The following ASIC2 variants were observed in gnomAD, a reference collection of about 807,000 sequenced individuals.
ASIC2 encodes acid sensing ion channel subunit 2.
ASIC2 carries 25 observed loss-of-function variants against 57.3 expected under a neutral mutation model. The observed-to-expected ratio is 0.44, with a 90% confidence interval of 0.32 to 0.61. The LOEUF is 0.61. ASIC2 is among the 20% of genes least tolerant of loss of function. The pLI, the probability that ASIC2 is intolerant of heterozygous loss-of-function variation, is 0.06. For synonymous variants in ASIC2, 319 were observed against 307.5 expected (o/e 1.04, Z -0.39); for missense variants, 641 against 738.1 (o/e 0.87, Z 1.52).
At chr17:33,192,419 CAAA>C (rs1906461657) in intron 1 of ASIC2, among the ~76,000 whole-genome samples, 1 of 150,668 alleles carries the variant, frequency 6.6e-6, no homozygotes, top group Non-Finnish European at 1.5e-5. Context: ...CAAAACAAAA[CAAA>C]ACAAAACAAA....
At chr17:33,197,720 GA>G (rs1906690824) in intron 1 of ASIC2, among the ~76,000 whole-genome samples, 1 of 152,216 alleles carries the variant, frequency 6.6e-6, no homozygotes, top group Non-Finnish European at 1.5e-5. Flanking sequence ...AGCTAAAATA[GA>G]AGGACAATTC....
In ASIC2 at chr17:33,754,652, T is replaced by C. The variant is rs1474933617; in HGVS notation, c.555+401326A>G. Among the ~76,000 whole-genome samples, 8 of 152,274 alleles carry C rather than the reference T, an allele frequency of 5.3e-5. No individual in the cohort carries two copies. The East Asian group carries it at 5.8e-4, about 11-fold the overall frequency. On this transcript the variant is annotated intron_variant, in intron 1 of 9. Transcript: ENST00000359872. ...TAAATGTGTTGATGGGTTTAGTATA[T>C]GTGTTAAAGAACAGTTCCCTATAGG...
chr17:33,242,146 G>C (rs1329981379), intron 1 of ASIC2, among the ~76,000 whole-genome samples: 1 of 151,866 alleles, frequency 6.6e-6, no homozygotes, highest in East Asian at 1.9e-4. Context: ...GTGAAACCCC[G>C]TCTCTACTAA....
intron 1 of ASIC2, among the ~76,000 whole-genome samples, chr17:33,369,206 G>C (rs1413178176): frequency 6.6e-6 from 1 of 152,122 alleles, no homozygotes; most frequent in Non-Finnish European, 1.5e-5. Flanking sequence ...ACCTGCCATA[G>C]ACCCCACTTC....
In ASIC2 at chr17:33,682,060, C is replaced by CTTTTTTTTTTTT. The variant is rs58085265; in HGVS notation, c.555+473906_555+473917dup. Among the ~76,000 whole-genome samples the CTTTTTTTTTTTT allele has an allele frequency of 2.4e-5, 3 of 122,806 alleles. 1 individual carries two copies. Among genetic ancestry groups the CTTTTTTTTTTTT allele is most frequent in the African/African-American group, 3.3e-5 (1 of 29,856 alleles). The allele number at this position is 122,806 out of a possible 152,430, so 80.6% of individuals were successfully genotyped here. ...CCACACAGGATGGCATCAGTGACAT[C>CTTTTTTTTTTTT]TTTTTTTTTTTTTTTTTGAGACAGA... is the stretch of plus-strand genomic sequence containing the variant. On this transcript the variant is annotated intron_variant, in intron 1 of 9. Transcript: ENST00000359872.
chr17:33,173,516 C>T (rs558816903), intron 1 of ASIC2, among the ~76,000 whole-genome samples: 34 of 152,286 alleles, frequency 2.2e-4, no homozygotes, highest in Non-Finnish European at 4.1e-4. Flanking sequence ...GTCCTGGCCC[C>T]CTTCCTGCCT....
rs773615120 is a variant in ASIC2, at chr17:33,291,597, C to G, written c.519G>C (p.Glu173Asp). 28 of 1,608,198 alleles carry G rather than the reference C, an allele frequency of 1.7e-5. No homozygotes were observed. In the South Asian group the frequency reaches 2.8e-4, roughly 16 times the overall value. ...GGCGCGGCTCGTCGCCCCGCAGCAG[C>G]TCGCTGACAAGCGGGCGCGCGGTGC... is the stretch of plus-strand genomic sequence containing the variant. ...PNRTARPLVS[E>D]LLRGDEPRRQ... The change falls in exon 1 of 10, where the codon GAG becomes GAC. Residue 173 changes from glutamate to aspartate, a missense_variant. By Grantham distance (45) the Glu-to-Asp change is conservative. Around this residue, in one of 3 missense-constraint regions of ASIC2, gnomAD observed 382 missense variants for 398.0 expected, o/e 0.96. Coordinates refer to ENST00000225823, the MANE Select transcript of ASIC2 (RefSeq NM_183377.2).
chr17:33,813,277 T>C (rs997729811), intron 1 of ASIC2, among the ~76,000 whole-genome samples: 10 of 152,102 alleles, frequency 6.6e-5, no homozygotes, highest in Admixed American at 5.9e-4. Flanking sequence ...CAAGTCTGCC[T>C]AAGCCACTCA....
At chr17:33,976,756 A>G (rs1905402665) in intron 1 of ASIC2, 1 of 152,184 alleles carries the variant, frequency 6.6e-6, no homozygotes, top group Non-Finnish European at 1.5e-5. Context: ...GGTAAGACAG[A>G]AAGAGGAAGC....
chr17:33,509,225 T>A (rs1025136132), intron 1 of ASIC2, among the ~76,000 whole-genome samples: 2 of 152,150 alleles, frequency 1.3e-5, no homozygotes, highest in African/African-American at 4.8e-5. Context: ...CACACCTGCC[T>A]AGAACTGACT....
chr17:33,402,488 TC>T (rs1182062817), intron 1 of ASIC2, among the ~76,000 whole-genome samples: 1 of 152,188 alleles, frequency 6.6e-6, no homozygotes. Flanking sequence ...CCTCCTTGTG[TC>T]CATGTGTTCT....
intron 1 of ASIC2, among the ~76,000 whole-genome samples, chr17:34,076,879 G>C (rs939228278): frequency 1.3e-5 from 2 of 152,212 alleles, no homozygotes; most frequent in African/African-American, 4.8e-5. Flanking sequence ...AAAGCAAGAA[G>C]GAAGGAGGAG....
chr17:33,433,463 C>A (rs1043201449), intron 1 of ASIC2, among the ~76,000 whole-genome samples: 3 of 152,120 alleles, frequency 2.0e-5, no homozygotes, highest in Non-Finnish European at 4.4e-5. Flanking sequence ...AGGCTTAATA[C>A]CTTGATGACC....
chr17:33,585,406 T>G (rs144720643), intron 1 of ASIC2, among the ~76,000 whole-genome samples: 3 of 152,352 alleles, frequency 2.0e-5, no homozygotes, highest in African/African-American at 7.2e-5. Context: ...CTTTATTAAT[T>G]TGAAGAAATT....
intron 1 of ASIC2, among the ~76,000 whole-genome samples, chr17:33,581,942 T>C (rs1380096918): frequency 2.0e-5 from 3 of 152,196 alleles, no homozygotes; most frequent in Admixed American, 6.5e-5. Context: ...GCTATCCTTT[T>C]GATTCAGCTT....
intron 1 of ASIC2, among the ~76,000 whole-genome samples, chr17:33,954,180 G>A (rs1904663625): frequency 1.3e-5 from 2 of 152,358 alleles, no homozygotes; most frequent in Middle Eastern, 3.4e-3. Flanking sequence ...TGCCTACCCA[G>A]CATCTGTGGA....
At position 33,737,787 on chromosome 17, in the gene ASIC2, C is replaced by G. The variant is rs572042920; in HGVS notation, c.555+418191G>C. 9.9e-5 allele frequency among the ~76,000 whole-genome samples: 15 copies of G among 152,260 alleles called. No individual in the cohort carries two copies. In the South Asian group the frequency reaches 2.3e-3, roughly 23 times the overall value. On this transcript the variant is annotated intron_variant, in intron 1 of 9. Transcript: ENST00000359872. ...CATTCCACCCAAGTCAAGGAAGAGA[C>G]AGTTTACTTTGAATATGCACAAAAG...
chr17:33,049,478 T>C (rs1416609633), intron 3 of ASIC2, among the ~76,000 whole-genome samples: 3 of 152,216 alleles, frequency 2.0e-5, no homozygotes, highest in Non-Finnish European at 4.4e-5. Context: ...TTTAGTTTAA[T>C]TAGTAGTGTT....
At chr17:33,520,877 T>C (rs1258185126) in intron 1 of ASIC2, among the ~76,000 whole-genome samples, 2 of 152,050 alleles carry the variant, frequency 1.3e-5, no homozygotes, top group African/African-American at 4.8e-5. Context: ...GGCCCTGGGG[T>C]TAAGCCTGTG....
Sources: gnomAD v4.1 joint callset for allele counts (sites outside exome capture counted in the v4.1 genomes callset) on GRCh38, gnomAD v4.1.1 for gene constraint, gnomAD v4.1.1 regional missense constraint, MANE v1.5 for transcripts, NCBI Gene and HGNC (gene_info 2026-07-23, HGNC 2026-07-21) for gene names.